Variants in OCA2 observed in about 807,000 individuals in gnomAD.
OCA2 encodes P protein.
A neutral mutation model predicts 100.2 loss-of-function variants in OCA2; 77 were observed. That is an observed-to-expected ratio of 0.77 (90% CI 0.64 to 0.93). The LOEUF (loss-of-function observed/expected upper bound fraction) is 0.93. Ranked by LOEUF, OCA2 falls within the 40% of genes least tolerant of loss-of-function variation. The pLI is 0.00. For missense variants in OCA2, 1,062 were observed against 1,089.1 expected (o/e 0.98, Z 0.35); for synonymous variants, 432 against 439.2 (o/e 0.98, Z 0.21).
At chr15:27,842,679 G>A (rs1363124773) in intron 23 of OCA2, among the ~76,000 whole-genome samples, 1 of 152,178 alleles carries the variant, frequency 6.6e-6, no homozygotes, top group Non-Finnish European at 1.5e-5. Context: ...TCACCACAAG[G>A]ACACACTCTC....
intron 7 of OCA2, among the ~76,000 whole-genome samples, chr15:28,017,748 G>C (rs2042444020): frequency 6.6e-6 from 1 of 151,946 alleles, no homozygotes; most frequent in Admixed American, 6.6e-5. Context: ...TTATAACAGG[G>C]AACATCCATG....
At chr15:28,000,062 T>G (rs2041879792) in intron 9 of OCA2, among the ~76,000 whole-genome samples, 1 of 152,170 alleles carries the variant, frequency 6.6e-6, no homozygotes, top group Non-Finnish European at 1.5e-5. Context: ...ACAGATTCAA[T>G]GCAATCCCTA....
intron 23 of OCA2, among the ~76,000 whole-genome samples, chr15:27,825,107 A>G (rs1595472188): frequency 2.0e-5 from 3 of 152,322 alleles, no homozygotes; most frequent in Middle Eastern, 3.4e-3. Context: ...ACAATTAAAA[A>G]ATGGCTTTGG....
chr15:27,987,030 T>A (rs1194865205), intron 11 of OCA2, among the ~76,000 whole-genome samples: 1 of 152,252 alleles, frequency 6.6e-6, no homozygotes, highest in Non-Finnish European at 1.5e-5. Context: ...AGCCAGCATG[T>A]GGCCTTCTGC....
intron 2 of OCA2, among the ~76,000 whole-genome samples, chr15:28,073,214 G>A (rs2044320088): frequency 6.6e-6 from 1 of 152,158 alleles, no homozygotes; most frequent in African/African-American, 2.4e-5. Context: ...AGGAGTTTGA[G>A]ACCAGCCTGG....
chr15:27,916,391 A>G (rs2140303318), intron 19 of OCA2, among the ~76,000 whole-genome samples: 1 of 152,328 alleles, frequency 6.6e-6, no homozygotes, highest in Admixed American at 6.5e-5. Flanking sequence ...TAACAGTTTC[A>G]TTCTAAAATT....
intron 23 of OCA2, among the ~76,000 whole-genome samples, chr15:27,797,674 T>C (rs527797420): frequency 6.6e-6 from 1 of 152,174 alleles, no homozygotes; most frequent in South Asian, 2.1e-4. Context: ...TGTGGACAGG[T>C]AGTGTTTAGA....
intron 9 of OCA2, among the ~76,000 whole-genome samples, chr15:27,993,111 G>A (rs894086358): frequency 3.9e-5 from 6 of 152,222 alleles, no homozygotes; most frequent in Non-Finnish European, 7.4e-5. Context: ...GCAACAGAGC[G>A]AGACCCCGTC....
chr15:27,736,134 AAAT>A, the OCA2 span, among the ~76,000 whole-genome samples: 1 of 152,208 alleles, frequency 6.6e-6, no homozygotes, highest in Non-Finnish European at 1.5e-5. Context: ...AAAATAATAA[AAAT>A]AACTATAAGT....
Position 28,081,688 on chromosome 15 carries a change from G to C in OCA2, c.187C>G (p.Pro63Ala), listed in dbSNP as rs754549783. The change falls in exon 2 of 24, where the codon CCT (proline) becomes GCT (alanine). Residue 63 changes from proline to alanine, a missense_variant. By Grantham distance (27) the Pro-to-Ala change is conservative (BLOSUM62 -1). Coordinates refer to ENST00000354638, the MANE Select transcript of OCA2 (RefSeq NM_000275.3). ...RGAAGQSSWA[P>A]AGQEFASFLT... ...AATGAAGCAAACTCCTGGCCTGCAG[G>C]AGCCCAAGAGCTCTGCCCGGCAGCC... 6.2e-7 allele frequency: 1 copy of C among 1,613,854 alleles called. No individual in the cohort carries two copies. Among genetic ancestry groups the C allele is most frequent in the Non-Finnish European group, 8.5e-7 (1 of 1,180,012 alleles).
At chr15:27,926,343 C>T in intron 18 of OCA2, 89 bp from the exon 19 acceptor site, 1 of 1,418,176 alleles carries the variant, frequency 7.1e-7, no homozygotes, top group Non-Finnish European at 9.9e-7. Flanking sequence ...TTTTCTTTAT[C>T]AAGAATAATT....
chr15:28,010,395 A>G (rs1353845345), intron 9 of OCA2, among the ~76,000 whole-genome samples: 1 of 152,256 alleles, frequency 6.6e-6, no homozygotes, highest in African/African-American at 2.4e-5. Flanking sequence ...AAAGACATAC[A>G]GATTGGAAAA....
chr15:28,095,464 C>G (rs557101596), intron 1 of OCA2, among the ~76,000 whole-genome samples: 44 of 152,304 alleles, frequency 2.9e-4, no homozygotes, highest in Middle Eastern at 3.4e-3. Context: ...CACCTGTAAT[C>G]CCAGCAATTT....
chr15:28,093,923 CG>C (rs1405411108), intron 1 of OCA2, among the ~76,000 whole-genome samples: 3 of 152,160 alleles, frequency 2.0e-5, no homozygotes, highest in Admixed American at 2.0e-4. Flanking sequence ...AGTGGTTGTC[CG>C]GGGTTGAGTA....
intron 23 of OCA2, among the ~76,000 whole-genome samples, chr15:27,819,689 G>T (rs1166737905): frequency 6.6e-6 from 1 of 151,622 alleles, no homozygotes; most frequent in Non-Finnish European, 1.5e-5. Flanking sequence ...GGTTTAATTA[G>T]AACTATTCAT....
intron 1 of OCA2, among the ~76,000 whole-genome samples, chr15:28,087,536 A>G (rs1223279334): frequency 6.6e-6 from 1 of 152,198 alleles, no homozygotes; most frequent in Non-Finnish European, 1.5e-5. Context: ...CATTGAGCCC[A>G]GGAGTTTGAG....
chr15:27,867,672 C>T (rs2036378632), intron 21 of OCA2, among the ~76,000 whole-genome samples: 1 of 151,964 alleles, frequency 6.6e-6, no homozygotes, highest in South Asian at 2.1e-4. Context: ...AGAAACAAAC[C>T]AATTAACAAA....
intron 2 of OCA2, among the ~76,000 whole-genome samples, chr15:28,032,524 G>A (rs566572937): frequency 1.2e-4 from 18 of 152,086 alleles, no homozygotes; most frequent in African/African-American, 4.3e-4. Context: ...GGTGGCTCAC[G>A]CCTGTAATCC....
chr15:28,009,279 T>C (rs1458669223), intron 9 of OCA2, among the ~76,000 whole-genome samples: 11 of 152,182 alleles, frequency 7.2e-5, no homozygotes, highest in Non-Finnish European at 1.2e-4. Flanking sequence ...TTAGACTACC[T>C]ATAAAAAATT....
Sources: allele counts gnomAD v4.1 joint callset (sites outside exome capture counted in the v4.1 genomes callset), GRCh38; gene constraint gnomAD v4.1.1; transcripts MANE v1.5; gene names NCBI Gene and HGNC (gene_info 2026-07-23, HGNC 2026-07-21).